SLC4A8: variants seen among roughly 807,000 people sequenced by gnomAD.
The protein encoded by SLC4A8 is electroneutral sodium bicarbonate exchanger 1.
In SLC4A8, 40 loss-of-function variants were observed where a neutral mutation model predicts 125.0. The ratio of observed to expected loss-of-function variants is 0.32; its 90% CI spans 0.25 to 0.42. SLC4A8 has a LOEUF of 0.42. SLC4A8 is among the 10% of genes least tolerant of loss of function. SLC4A8 has a pLI of 1.00. For missense variants in SLC4A8, 863 were observed against 1,355.1 expected, an observed-to-expected ratio of 0.64 and a Z score of 5.70; for synonymous variants, 456 against 476.0, an observed-to-expected ratio of 0.96 and a Z score of 0.55.
chr12:51,413,091 C>T (rs1442912089), intron 1 of SLC4A8, among the ~76,000 whole-genome samples: 2 of 152,092 alleles, frequency 1.3e-5, no homozygotes, highest in Non-Finnish European at 2.9e-5. Context: ...GTTTTTTTGT[C>T]TTTTTGTTAA....
intron 5 of SLC4A8, among the ~76,000 whole-genome samples, chr12:51,456,015 A>G (rs1348044982): frequency 6.6e-6 from 1 of 152,222 alleles, no homozygotes; most frequent in Non-Finnish European, 1.5e-5. Flanking sequence ...ATGATCAATC[A>G]GATTTTGCAT....
At chr12:51,440,631 G>A (rs1949566049) in intron 1 of SLC4A8, 77 bp from the exon 2 acceptor site, 2 of 1,088,406 alleles carry the variant, frequency 1.8e-6, no homozygotes, top group African/African-American at 3.2e-5. Flanking sequence ...TATCTCAAAA[G>A]GATCTGGCAT....
intron 16 of SLC4A8, among the ~76,000 whole-genome samples, chr12:51,477,753 G>A (rs1388740947): frequency 1.3e-5 from 2 of 152,132 alleles, no homozygotes; most frequent in East Asian, 3.8e-4. Flanking sequence ...GCTCATCTCT[G>A]CCATTTTTCC....
rs1460307253 is a variant in SLC4A8 at position 51,470,251 on chromosome 12, G to A, written c.1525-141G>A. 7.0e-6 allele frequency: 5 copies of A among 717,664 alleles called. No homozygotes were observed. In the African/African-American group the frequency reaches 7.0e-5, roughly 10 times the overall value. 44.5% of individuals were successfully genotyped at this position (717,664 alleles called of 1,614,324 possible). A position where few individuals can be genotyped will look rare whatever the true frequency, so the allele number is the denominator to read the frequency against. On this transcript the variant is annotated intron_variant, in intron 12 of 24. Transcript: ENST00000453097. ...TGTTTACAGGAGTATTACATGGTGTGTACACATCACTCTTGCTAAGATGAA... is the reference window on the plus strand; with the variant it reads ...TGTTTACAGGAGTATTACATGGTGTATACACATCACTCTTGCTAAGATGAA...
At chr12:51,402,881 G>A (rs962156988) in intron 1 of SLC4A8, among the ~76,000 whole-genome samples, 4 of 152,082 alleles carry the variant, frequency 2.6e-5, no homozygotes, top group African/African-American at 9.7e-5. Context: ...CACTTATCCT[G>A]TTCTTCACAG....
At chr12:51,498,068 CT>C (rs1003067821) in intron 22 of SLC4A8, among the ~76,000 whole-genome samples, 5 of 150,732 alleles carry the variant, frequency 3.3e-5, no homozygotes, top group East Asian at 3.9e-4. Context: ...AAAAAGATGA[CT>C]TTTTTTTCCC....
At chr12:51,506,870 A>G (rs930598833) in intron 24 of SLC4A8, among the ~76,000 whole-genome samples, 2 of 152,208 alleles carry the variant, frequency 1.3e-5, no homozygotes, top group African/African-American at 4.8e-5. Context: ...ATATGCCAAA[A>G]TTTCTTGAAT....
At chr12:51,488,913 G>T in intron 18 of SLC4A8, 53 bp downstream of exon 18, 1 of 1,518,820 alleles carries the variant, frequency 6.6e-7, no homozygotes, top group Non-Finnish European at 9.0e-7. Context: ...TTACATTTTC[G>T]TAAAATTTTA....
At chr12:51,481,975 A>T (rs1951043585) in intron 16 of SLC4A8, among the ~76,000 whole-genome samples, 1 of 152,044 alleles carries the variant, frequency 6.6e-6, no homozygotes, top group African/African-American at 2.4e-5. Context: ...AACCAAAAAA[A>T]ACAAAGTTCT....
chr12:51,495,886 A>T (rs1951448299), intron 21 of SLC4A8, among the ~76,000 whole-genome samples: 1 of 152,194 alleles, frequency 6.6e-6, no homozygotes. Flanking sequence ...ATCCCACTGT[A>T]TGTAAATACT....
intron 24 of SLC4A8, 135 bp downstream of exon 24, chr12:51,506,065 C>T: frequency 1.7e-6 from 1 of 593,480 alleles, no homozygotes. Context: ...CCGCTAACCA[C>T]ATAAGAATAG....
At chr12:51,488,647 T>C (rs2138393119) in intron 17 of SLC4A8, 52 bp from the exon 18 acceptor site, 3 of 1,431,420 alleles carry the variant, frequency 2.1e-6, no homozygotes, top group Non-Finnish European at 2.9e-6. Flanking sequence ...TGATATGTTT[T>C]ACCCCAATGA....
chr12:51,471,473 C>T lies in SLC4A8; in HGVS notation c.1845C>T (p.His615=). ...ATGAAGCAATAGAAAAACTGATTCA[C>T]CTGGCAGAGACCTACCCCATCCACA... The part of the protein sequence containing the change: ...FIYEAIEKLI[H]LAETYPIHMH... Residue 615 remains histidine (H), a synonymous_variant, in exon 14 of 25, where the codon CAC becomes CAT. Coordinates refer to ENST00000453097, the MANE Select transcript of SLC4A8 (RefSeq NM_001039960.3). The T allele has an allele frequency of 1.2e-6, 2 of 1,614,200 alleles. No individual in the cohort carries two copies. Among genetic ancestry groups the T allele is most frequent in the Non-Finnish European group, 1.7e-6 (2 of 1,180,004 alleles).
intron 3 of SLC4A8, 84 bp from the exon 4 acceptor site, chr12:51,452,040 C>A: frequency 1.5e-6 from 2 of 1,309,800 alleles, no homozygotes; most frequent in African/African-American, 1.5e-5. Context: ...ATATATATTT[C>A]TAAAGTTGTT....
At chr12:51,410,340 A>T (rs1175014791) in intron 1 of SLC4A8, among the ~76,000 whole-genome samples, 1 of 152,150 alleles carries the variant, frequency 6.6e-6, no homozygotes, top group Non-Finnish European at 1.5e-5. Flanking sequence ...GTTCTTGGGC[A>T]TCTTTAGCTA....
intron 15 of SLC4A8, 50 bp from the exon 16 acceptor site, chr12:51,474,995 T>C: frequency 1.3e-6 from 2 of 1,538,152 alleles, no homozygotes; most frequent in South Asian, 1.2e-5. Context: ...GAAACAGCTA[T>C]TTATTTGGTT....
Position 51,512,252 on chromosome 12 carries a change from G to A in SLC4A8, c.*4814G>A, listed in dbSNP as rs1938391380. ...CAAGGCTGGAATATGGCCCTCTGCT[G>A]TAGGGGGCGTGGCACCTGTGACTTG... On this transcript the variant is annotated 3_prime_UTR_variant, in exon 25 of 25. Transcript: ENST00000453097. The A allele has an allele frequency of 6.6e-6, 1 of 152,212 alleles. No homozygotes were observed. Among genetic ancestry groups the A allele is most frequent in the South Asian group, 2.1e-4 (1 of 4,830 alleles). The allele number at this position is 152,212 out of a possible 1,614,324, so 9.4% of individuals were successfully genotyped here.
intron 7 of SLC4A8, 82 bp from the exon 8 acceptor site, chr12:51,459,868 CA>C (rs542692155): frequency 1.0e-4 from 132 of 1,261,464 alleles, no homozygotes; most frequent in Middle Eastern, 2.6e-4. Flanking sequence ...GACTCTGTCT[CA>C]AAAAAAAGTA....
chr12:51,421,101 G>C (rs1053166283), upstream of SLC4A8, among the ~76,000 whole-genome samples: 1 of 152,066 alleles, frequency 6.6e-6, no homozygotes, highest in Non-Finnish European at 1.5e-5. Flanking sequence ...GCCTCTTTCT[G>C]GGCTGACTGA....
Sources: allele counts gnomAD v4.1 joint callset (sites outside exome capture counted in the v4.1 genomes callset), GRCh38; gene constraint gnomAD v4.1.1; transcripts MANE v1.5; gene names NCBI Gene and HGNC (gene_info 2026-07-23, HGNC 2026-07-21).